SLC25A20: variants seen among roughly 807,000 people sequenced by gnomAD.
The protein encoded by SLC25A20 is mitochondrial carnitine/acylcarnitine carrier protein.
SLC25A20 carries 29 observed loss-of-function variants against 39.7 expected under a neutral mutation model. That is an observed-to-expected ratio of 0.73 (90% CI 0.54 to 1.00). SLC25A20 has a LOEUF of 1.00. SLC25A20 is among the 50% of genes least tolerant of loss of function. The probability of loss-of-function intolerance (pLI) is 0.00; values close to 1 mark genes in which losing one functional copy is unlikely to be tolerated. For missense variants in SLC25A20, 333 were observed against 379.9 expected (o/e 0.88, Z 1.03); for synonymous variants, 103 against 142.2 (o/e 0.72, Z 1.96).
At chr3:48,868,503 T>C (rs2083688871) in intron 4 of SLC25A20, among the ~76,000 whole-genome samples, 1 of 152,078 alleles carries the variant, frequency 6.6e-6, no homozygotes, top group Non-Finnish European at 1.5e-5. Flanking sequence ...AAAATAAACA[T>C]ATGAAGGGTC....
intron 4 of SLC25A20, among the ~76,000 whole-genome samples, chr3:48,874,876 C>T (rs1407785677): frequency 6.6e-6 from 1 of 150,836 alleles, no homozygotes; most frequent in Non-Finnish European, 1.5e-5. Flanking sequence ...GTGAGACCCC[C>T]CCACCACCAC....
chr3:48,859,064 CCT>C (rs778993412), intron 7 of SLC25A20, 26 bp downstream of exon 7: 79 of 1,586,276 alleles, frequency 5.0e-5, no homozygotes, highest in South Asian at 4.3e-4. Flanking sequence ...CCACTCTCCC[CCT>C]GTCCACCCCA....
chr3:48,859,350 GAGA>G, intron 6 of SLC25A20, 149 bp from the exon 7 acceptor site: 1 of 855,314 alleles, frequency 1.2e-6, no homozygotes, highest in Non-Finnish European at 2.0e-6. Flanking sequence ...GCACTCCTTG[GAGA>G]AGGTTTCATG....
rs143248916 is a variant in SLC25A20, at chr3:48,882,576, G to A, written c.326+1421C>T. 2.1e-4 allele frequency among the ~76,000 whole-genome samples: 32 copies of A among 152,226 alleles called. 1 individual carries two copies. The East Asian group carries it at 2.7e-3, about 13-fold the overall frequency. ...CCTTATAAAAGAAATACGAAAAACT[G>A]GTCAGGTGTGGTGGCTTACACCTGT... On this transcript the variant is annotated intron_variant, in intron 3 of 8. Transcript: ENST00000319017.
At chr3:48,893,286 G>A (rs2083890591) in intron 1 of SLC25A20, among the ~76,000 whole-genome samples, 1 of 151,958 alleles carries the variant, frequency 6.6e-6, no homozygotes, top group Admixed American at 6.6e-5. Context: ...GAGGTGGTAT[G>A]TCATTGTGAT....
chr3:48,859,474 T>C, intron 6 of SLC25A20, 81 bp downstream of exon 6: 1 of 1,183,062 alleles, frequency 8.5e-7, no homozygotes, highest in Non-Finnish European at 1.3e-6. Flanking sequence ...CAACAACTAC[T>C]TCTGCTTTCA....
Position 48,878,276 on chromosome 3 carries a change from ATATAT to A in SLC25A20, c.417+1077_417+1081del, listed in dbSNP as rs1559668680. Reference sequence around the variant, plus strand: ...CTCCATCTCCACAAAAAAAAAAAATATATATATATATATATATATATATGTATATA... The same window carrying A: ...CTCCATCTCCACAAAAAAAAAAAATAATATATATATATATATATGTATATA... On this transcript the variant is annotated intron_variant, in intron 4 of 8. Coordinates refer to ENST00000319017, the MANE Select transcript of SLC25A20 (RefSeq NM_000387.6). 1.3e-3 allele frequency among the ~76,000 whole-genome samples: 148 copies of A among 114,204 alleles called. 1 individual carries two copies. Among genetic ancestry groups the A allele is most frequent in the Middle Eastern group, 4.3e-3 (1 of 232 alleles). The allele number at this position is 114,204 out of a possible 152,430, so 74.9% of individuals were successfully genotyped here.
chr3:48,886,956 T>C (rs1407379234), intron 2 of SLC25A20, among the ~76,000 whole-genome samples: 3 of 152,160 alleles, frequency 2.0e-5, no homozygotes, highest in African/African-American at 7.2e-5. Context: ...AGACCCTGGG[T>C]ATCCAAACTT....
chr3:48,870,748 C>A (rs1031580492), intron 4 of SLC25A20, among the ~76,000 whole-genome samples: 1 of 149,910 alleles, frequency 6.7e-6, no homozygotes, highest in African/African-American at 2.5e-5. Context: ...TGAGCCCAAG[C>A]GATCCACCTG....
chr3:48,861,315 C>G (rs2083625854), intron 5 of SLC25A20, among the ~76,000 whole-genome samples: 1 of 152,118 alleles, frequency 6.6e-6, no homozygotes, highest in Non-Finnish European at 1.5e-5. Flanking sequence ...TTCAGGGATT[C>G]TTGAGAAGTT....
intron 8 of SLC25A20, among the ~76,000 whole-genome samples, chr3:48,858,036 C>T (rs953774722): frequency 5.3e-5 from 8 of 150,168 alleles, no homozygotes; most frequent in East Asian, 1.9e-4. Flanking sequence ...GGTACAATCT[C>T]GGCTCACTGC....
At chr3:48,861,987 C>T (rs1181970411) in intron 5 of SLC25A20, among the ~76,000 whole-genome samples, 2 of 152,052 alleles carry the variant, frequency 1.3e-5, no homozygotes, top group Non-Finnish European at 2.9e-5. Context: ...AAGACTGTGC[C>T]ATTGCACTCC....
At position 48,885,264 on chromosome 3, in the gene SLC25A20, C is replaced by T. The variant is rs553155545; in HGVS notation, c.199-1140G>A. On this transcript the variant is annotated intron_variant, in intron 2 of 8. Coordinates refer to ENST00000319017, the MANE Select transcript of SLC25A20 (RefSeq NM_000387.6). The stretch of plus-strand genomic sequence containing the variant: ...CTACCCTGGGTGACAGAGTGAGACC[C>T]CATCTCTAGAAAAAAAAAAAGAAAG... 4.3e-4 allele frequency among the ~76,000 whole-genome samples: 65 copies of T among 151,702 alleles called. 1 individual carries two copies. Among genetic ancestry groups the T allele is most frequent in the Middle Eastern group, 6.8e-3 (2 of 294 alleles).
At chr3:48,860,864 C>T (rs1333604197) in intron 5 of SLC25A20, among the ~76,000 whole-genome samples, 4 of 144,508 alleles carry the variant, frequency 2.8e-5, no homozygotes, top group East Asian at 2.1e-4. Flanking sequence ...GACGGAGTCT[C>T]GCTCTCTCGC....
chr3:48,896,140 C>CAAA (rs1220224923), intron 1 of SLC25A20, among the ~76,000 whole-genome samples: 4 of 69,764 alleles, frequency 5.7e-5, no homozygotes, highest in African/African-American at 2.1e-4. Flanking sequence ...AGTCTTGTCT[C>CAAA]AAAAAAAAAA....
chr3:48,885,984 T>C (rs1009917963), intron 2 of SLC25A20, among the ~76,000 whole-genome samples: 1 of 152,084 alleles, frequency 6.6e-6, no homozygotes, highest in Admixed American at 6.6e-5. Flanking sequence ...AACACAATTA[T>C]TAACCCAATC....
intron 4 of SLC25A20, among the ~76,000 whole-genome samples, chr3:48,869,196 C>A (rs1461360779): frequency 1.3e-5 from 2 of 152,144 alleles, no homozygotes; most frequent in African/African-American, 2.4e-5. Flanking sequence ...TGAAAAATCA[C>A]TTGTCATATT....
intron 1 of SLC25A20, among the ~76,000 whole-genome samples, chr3:48,892,916 G>A (rs1250836896): frequency 2.0e-5 from 3 of 152,098 alleles, no homozygotes; most frequent in African/African-American, 7.2e-5. Flanking sequence ...TAAACCTTTT[G>A]AGGAACTGCC....
At chr3:48,878,684 C>T (rs1575987194) in intron 4 of SLC25A20, among the ~76,000 whole-genome samples, 2 of 151,322 alleles carry the variant, frequency 1.3e-5, no homozygotes, top group South Asian at 2.1e-4. Context: ...CCTGCAATCT[C>T]GTCTACTCAG....
Sources: gnomAD v4.1 joint callset for allele counts (sites outside exome capture counted in the v4.1 genomes callset) on GRCh38, gnomAD v4.1.1 for gene constraint, MANE v1.5 for transcripts, NCBI Gene and HGNC (gene_info 2026-07-23, HGNC 2026-07-21) for gene names.